The following RASGEF1B variants were observed in gnomAD, a reference collection of about 807,000 sequenced individuals.
The protein encoded by RASGEF1B is RasGEF domain family member 1B, also known as ras-GEF domain-containing family member 1B.
In RASGEF1B, 30 loss-of-function variants were observed where a neutral mutation model predicts 65.7. The observed-to-expected ratio is 0.46, with a 90% CI of 0.34 to 0.62. RASGEF1B has a LOEUF of 0.62. RASGEF1B is among the 20% of genes least tolerant of loss of function. The pLI is 0.01. For synonymous variants in RASGEF1B, 175 were observed against 194.8 expected, an observed-to-expected ratio of 0.90 and a Z score of 0.85; for missense variants, 495 against 580.1, an observed-to-expected ratio of 0.85 and a Z score of 1.51.
rs1392262067 is a variant in RASGEF1B at position 81,469,648 on chromosome 4, T to C, written c.-7+2122A>G. Among the ~76,000 whole-genome samples, 9 of 132,930 alleles carry C rather than the reference T, an allele frequency of 6.8e-5. 1 individual carries two copies. The highest frequency in any genetic ancestry group is 4.5e-4 in the South Asian group (2 of 4,430). 87.2% of individuals were successfully genotyped at this position (132,930 alleles called of 152,430 possible). On this transcript the variant is annotated intron_variant, in intron 1 of 13. Transcript: ENST00000264400. ...ATATGTATATATGTACATATATGTG[T>C]ATATATACACACACACACACACACA... is the stretch of plus-strand genomic sequence containing the variant.
chr4:81,442,438 G>A (rs746643039), intron 8 of RASGEF1B, 62 bp from the exon 9 acceptor site: 28 of 911,130 alleles, frequency 3.1e-5, no homozygotes, highest in Admixed American at 1.4e-4. Flanking sequence ...TAAGAAAAAC[G>A]ATAAACACAT....
At chr4:81,454,754 T>C (rs1216744293) in intron 4 of RASGEF1B, 2 of 152,148 alleles carry the variant, frequency 1.3e-5, no homozygotes, top group African/African-American at 2.4e-5. Context: ...GCAGAAATAA[T>C]GGCTGTCTCG....
intron 1 of RASGEF1B, among the ~76,000 whole-genome samples, chr4:81,465,821 C>T (rs2109998194): frequency 6.6e-6 from 1 of 152,274 alleles, no homozygotes; most frequent in African/African-American, 2.4e-5. Context: ...CAAAAGCTAT[C>T]CCTCAATGTC....
At chr4:81,455,050 G>A (rs1189819547) in intron 4 of RASGEF1B, 1 of 152,300 alleles carries the variant, frequency 6.6e-6, no homozygotes, top group Non-Finnish European at 1.5e-5. Flanking sequence ...CTGTGCATGA[G>A]CTGACATGAA....
At chr4:81,453,145 C>G (rs1374805598) in intron 4 of RASGEF1B, 1 of 152,106 alleles carries the variant, frequency 6.6e-6, no homozygotes, top group Non-Finnish European at 1.5e-5. Context: ...TTCATTCAAA[C>G]ACTACTGAGA....
At chr4:81,467,049 C>G (rs1369944050) in intron 1 of RASGEF1B, among the ~76,000 whole-genome samples, 5 of 151,662 alleles carry the variant, frequency 3.3e-5, no homozygotes, top group Non-Finnish European at 5.9e-5. Context: ...ACAGAAACTC[C>G]AAGACTCCAA....
At chr4:81,461,607 GAAAA>G (rs1722647233) in intron 1 of RASGEF1B, among the ~76,000 whole-genome samples, 1 of 152,180 alleles carries the variant, frequency 6.6e-6, no homozygotes, top group Non-Finnish European at 1.5e-5. Context: ...CCAGTATCTG[GAAAA>G]CATTTCATTT....
chr4:81,469,567 T>G (rs746207053), intron 1 of RASGEF1B, among the ~76,000 whole-genome samples: 2 of 152,190 alleles, frequency 1.3e-5, no homozygotes, highest in Admixed American at 6.5e-5. Flanking sequence ...GAATAAAATG[T>G]TATATAAGAA....
chr4:81,435,427 A>C lies in RASGEF1B; in HGVS notation c.1105-693T>G, dbSNP rs1328352497. Among the ~76,000 whole-genome samples the C allele has an allele frequency of 2.0e-4, 30 of 149,174 alleles. 1 individual carries two copies. The highest frequency in any genetic ancestry group is 7.3e-4 in the African/African-American group (30 of 40,948). On this transcript the variant is annotated intron_variant, in intron 10 of 13. Transcript: ENST00000264400. Reference sequence around the variant, plus strand: ...AGCGAGACTCCCTCTCAAAAAAAAAAAAAAAAAAAAAGAATACCTATCATT... The same window carrying C: ...AGCGAGACTCCCTCTCAAAAAAAAACAAAAAAAAAAAGAATACCTATCATT...
chr4:81,432,654 G>A (rs1721470758), intron 12 of RASGEF1B, among the ~76,000 whole-genome samples: 1 of 152,126 alleles, frequency 6.6e-6, no homozygotes, highest in Non-Finnish European at 1.5e-5. Context: ...GCCATATGAT[G>A]CTGTCGTATA....
chr4:81,459,563 T>C (rs992328589), intron 1 of RASGEF1B, 49 bp from the exon 2 acceptor site: 4 of 1,396,450 alleles, frequency 2.9e-6, no homozygotes, highest in Non-Finnish European at 2.9e-6. Context: ...ATATGCAGTA[T>C]GAAAATAAAG....
Position 81,445,748 on chromosome 4 carries a change from A to G in RASGEF1B, c.820T>C (p.Cys274Arg). 1 of 1,613,094 alleles carries G rather than the reference A, an allele frequency of 6.2e-7. No individual in the cohort carries two copies. Among genetic ancestry groups the G allele is most frequent in the Non-Finnish European group, 8.5e-7 (1 of 1,179,158 alleles). The change falls in exon 7 of 14, where the codon TGT becomes CGT. Residue 274 changes from cysteine (C) to arginine (R), a missense_variant. Transcript: ENST00000264400. ...RLSYLVATEICMPVKKKHRAR... is the reference protein window; with the variant it reads ...RLSYLVATEIRMPVKKKHRAR... ...CAGAAAATTCATTTCCTCACCATAC[A>G]GATTTCTGTAGCAACCAAGTAGCTG...
intron 1 of RASGEF1B, among the ~76,000 whole-genome samples, chr4:81,461,913 C>T (rs903422376): frequency 1.3e-5 from 2 of 152,178 alleles, no homozygotes; most frequent in African/African-American, 2.4e-5. Flanking sequence ...AAGTACTCTC[C>T]GGCCAGAGGC....
Position 81,471,856 on chromosome 4 carries a change from G to A in RASGEF1B, c.-93C>T, listed in dbSNP as rs1162248770. 4 of 152,704 alleles carry A rather than the reference G, an allele frequency of 2.6e-5. No homozygotes were observed. The highest frequency in any genetic ancestry group is 2.1e-4 in the South Asian group (1 of 4,834). 9.5% of individuals were successfully genotyped at this position (152,704 alleles called of 1,614,324 possible). A position where few individuals can be genotyped will look rare whatever the true frequency, so the allele number is the denominator to read the frequency against. ...CAAAGGACAGGGAGCTAAAGCGCGC[G>A]GGAAGAAGAAAAACAAAATCTGTCT... is the stretch of plus-strand genomic sequence containing the variant. On this transcript the variant is annotated 5_prime_UTR_variant, in exon 1 of 14. Coordinates refer to ENST00000264400, the MANE Select transcript of RASGEF1B (RefSeq NM_152545.3).
At chr4:81,427,820 GAC>G in intron 13 of RASGEF1B, 28 bp from the exon 14 acceptor site, 2 of 1,610,480 alleles carry the variant, frequency 1.2e-6, no homozygotes, top group Non-Finnish European at 1.7e-6. Context: ...CACAACCTAA[GAC>G]AGAATGTAAC....
At chr4:81,456,879 C>G in intron 3 of RASGEF1B, 91 bp from the exon 4 acceptor site, 1 of 1,187,620 alleles carries the variant, frequency 8.4e-7, no homozygotes, top group South Asian at 1.5e-5. Context: ...TGAGAAACTT[C>G]TAGTGCAAAG....
In RASGEF1B at chr4:81,426,513, A is replaced by C. The variant is rs1281601442; in HGVS notation, c.*1255T>G. The C allele has an allele frequency of 6.6e-6, 1 of 152,222 alleles. No homozygotes were observed. The highest frequency in any genetic ancestry group is 1.5e-5 in the Non-Finnish European group (1 of 68,046). 9.4% of individuals were successfully genotyped at this position (152,222 alleles called of 1,614,324 possible). ...CTCTAGTTTTTGGAACCATGTCATT[A>C]AGTTTTCAAATACATCTGTTTTGAA... is the stretch of plus-strand genomic sequence containing the variant. On this transcript the variant is annotated 3_prime_UTR_variant, in exon 14 of 14. Coordinates refer to ENST00000264400, the MANE Select transcript of RASGEF1B (RefSeq NM_152545.3).
intron 9 of RASGEF1B, 127 bp downstream of exon 9, chr4:81,442,170 C>T: frequency 4.4e-6 from 3 of 677,432 alleles, no homozygotes; most frequent in Admixed American, 2.6e-5. Context: ...TTTCCTTTCC[C>T]TGGGTCTGTA....
chr4:81,467,922 GT>G (rs1371802066), intron 1 of RASGEF1B, among the ~76,000 whole-genome samples: 1 of 152,076 alleles, frequency 6.6e-6, no homozygotes, highest in Non-Finnish European at 1.5e-5. Context: ...TACTGAAAAT[GT>G]TTTTCTTTTG....
Sources: allele counts gnomAD v4.1 joint callset (sites outside exome capture counted in the v4.1 genomes callset), GRCh38; gene constraint gnomAD v4.1.1; transcripts MANE v1.5; gene names NCBI Gene and HGNC (gene_info 2026-07-23, HGNC 2026-07-21).